Variants in XPNPEP1 observed in about 807,000 individuals in gnomAD.
XPNPEP1 encodes the protein X-prolyl aminopeptidase 1, also known as xaa-Pro aminopeptidase 1.
XPNPEP1 carries 39 observed loss-of-function variants against 92.4 expected under a neutral mutation model. The ratio of observed to expected loss-of-function variants is 0.42; its 90% CI spans 0.33 to 0.55. The LOEUF (loss-of-function observed/expected upper bound fraction) is 0.55. Ranked by LOEUF, XPNPEP1 falls within the 20% of genes least tolerant of loss-of-function variation. The pLI, the probability that XPNPEP1 is intolerant of heterozygous loss-of-function variation, is 0.08. For missense variants in XPNPEP1, 654 were observed against 856.1 expected (o/e 0.76, Z 2.95); for synonymous variants, 307 against 299.4 (o/e 1.03, Z -0.26).
intron 7 of XPNPEP1, among the ~76,000 whole-genome samples, chr10:109,886,875 G>A (rs1475912497): frequency 2.6e-5 from 4 of 152,144 alleles, no homozygotes; most frequent in African/African-American, 9.7e-5. Context: ...GCCTTTCAGT[G>A]CTAAGACCTA....
chr10:109,897,056 C>A (rs1271834138), intron 3 of XPNPEP1, among the ~76,000 whole-genome samples: 1 of 152,156 alleles, frequency 6.6e-6, no homozygotes, highest in Non-Finnish European at 1.5e-5. Context: ...AATTCAAATA[C>A]CTCAGGGTAC....
chr10:109,901,375 C>T (rs554037262), intron 3 of XPNPEP1, among the ~76,000 whole-genome samples: 47 of 152,144 alleles, frequency 3.1e-4, no homozygotes, highest in African/African-American at 1.0e-3. Flanking sequence ...CAAACCTGCA[C>T]GTTGTGCTCA....
chr10:109,919,694 G>A (rs1850421896), intron 1 of XPNPEP1, among the ~76,000 whole-genome samples: 1 of 152,196 alleles, frequency 6.6e-6, no homozygotes, highest in African/African-American at 2.4e-5. Flanking sequence ...CTGATAAATG[G>A]ATAAATAAAA....
rs1287188987 is a variant in XPNPEP1, at chr10:109,892,916, T to C, written c.310+96A>G. The C allele has an allele frequency of 5.4e-6, 7 of 1,288,794 alleles. No individual in the cohort carries two copies. The Admixed American group carries it at 1.0e-4, about 19-fold the overall frequency. The allele number at this position is 1,288,794 out of a possible 1,614,324, so 79.8% of individuals were successfully genotyped here. Reference sequence around the variant, plus strand: ...AATGTGGAGCATCTGGTTTGCATTTTCTTTTTGCTTCTATATCACAGGCTG... The same window carrying C: ...AATGTGGAGCATCTGGTTTGCATTTCCTTTTTGCTTCTATATCACAGGCTG... On this transcript the variant is annotated intron_variant, in intron 4 of 20. Coordinates refer to ENST00000502935, the MANE Select transcript of XPNPEP1 (RefSeq NM_020383.4).
At chr10:109,874,699 C>A (rs1847679972) in intron 15 of XPNPEP1, among the ~76,000 whole-genome samples, 1 of 152,214 alleles carries the variant, frequency 6.6e-6, no homozygotes, top group Admixed American at 6.5e-5. Context: ...CCTGTAATCC[C>A]AGCACTTTGG....
At chr10:109,885,991 T>A (rs574288342) in intron 8 of XPNPEP1, among the ~76,000 whole-genome samples, 1 of 152,328 alleles carries the variant, frequency 6.6e-6, no homozygotes, top group East Asian at 1.9e-4. Context: ...AGAGGTGCCA[T>A]GGTCCTGAGG....
intron 3 of XPNPEP1, among the ~76,000 whole-genome samples, chr10:109,904,283 T>C (rs1849439063): frequency 6.6e-6 from 1 of 150,396 alleles, no homozygotes; most frequent in South Asian, 2.1e-4. Flanking sequence ...ACCACCCCGA[T>C]TCCAGCTTGA....
chr10:109,874,201 G>T (rs1847646093), intron 15 of XPNPEP1, among the ~76,000 whole-genome samples: 1 of 152,136 alleles, frequency 6.6e-6, no homozygotes, highest in South Asian at 2.1e-4. Flanking sequence ...AAATAAACTG[G>T]GAGTGACGTC....
At chr10:109,919,468 A>G (rs1323925855) in intron 1 of XPNPEP1, among the ~76,000 whole-genome samples, 1 of 152,238 alleles carries the variant, frequency 6.6e-6, no homozygotes, top group Admixed American at 6.5e-5. Flanking sequence ...AATAAAAAAG[A>G]TTGACAGTAA....
At chr10:109,873,638 A>T (rs555847224) in intron 15 of XPNPEP1, 1 of 529,162 alleles carries the variant, frequency 1.9e-6, no homozygotes, top group South Asian at 2.9e-5. Flanking sequence ...TTATATATCC[A>T]AGAGAACTGA....
intron 12 of XPNPEP1, among the ~76,000 whole-genome samples, chr10:109,878,812 G>A (rs1408555998): frequency 6.6e-6 from 1 of 151,702 alleles, no homozygotes; most frequent in Admixed American, 6.6e-5. Context: ...GGGAGGCTGA[G>A]GCTGCAGTGA....
At chr10:109,899,259 GAGGTGAGGTCAC>G (rs1257820571) in intron 3 of XPNPEP1, among the ~76,000 whole-genome samples, 1 of 152,174 alleles carries the variant, frequency 6.6e-6, no homozygotes, top group African/African-American at 2.4e-5. Flanking sequence ...TCATTACATT[GAGGTGAGGTCAC>G]ATGACTTATT....
At chr10:109,876,635 G>A (rs1343086451) in intron 14 of XPNPEP1, 1 of 152,258 alleles carries the variant, frequency 6.6e-6, no homozygotes, top group African/African-American at 2.4e-5. Context: ...TCCCATCTGT[G>A]ACTGTCTCCC....
intron 12 of XPNPEP1, among the ~76,000 whole-genome samples, chr10:109,878,819 G>A (rs1377415232): frequency 1.3e-5 from 2 of 151,568 alleles, no homozygotes; most frequent in African/African-American, 4.9e-5. Flanking sequence ...TGAGGCTGCA[G>A]TGAGCTGTGA....
chr10:109,865,323 GAGA>G lies in XPNPEP1; in HGVS notation c.1873-14_1873-12del, dbSNP rs752290467. On this transcript the variant is annotated splice_polypyrimidine_tract_variant and intron_variant, in intron 20 of 20. Transcript: ENST00000502935. ...GTTGAGCCAGTCGCACTGCAGGGAA[GAGA>G]AGGACAGACACGGTATTCACCACTA... 25 of 1,614,092 alleles carry G rather than the reference GAGA, an allele frequency of 1.5e-5. No individual in the cohort carries two copies. The South Asian group carries it at 2.3e-4, about 15-fold the overall frequency.
chr10:109,902,952 C>T (rs973335274), intron 3 of XPNPEP1, among the ~76,000 whole-genome samples: 4 of 152,144 alleles, frequency 2.6e-5, no homozygotes, highest in Non-Finnish European at 4.4e-5. Context: ...GGAATTGCTT[C>T]GGGTGTAATA....
At chr10:109,906,152 T>C (rs1393679110) in intron 3 of XPNPEP1, among the ~76,000 whole-genome samples, 2 of 152,220 alleles carry the variant, frequency 1.3e-5, no homozygotes, top group Non-Finnish European at 2.9e-5. Flanking sequence ...GGTGGACTGG[T>C]GGACCCCCAT....
intron 2 of XPNPEP1, among the ~76,000 whole-genome samples, chr10:109,911,510 C>T (rs1387517704): frequency 6.6e-6 from 1 of 152,194 alleles, no homozygotes; most frequent in Non-Finnish European, 1.5e-5. Context: ...TCAACACCTC[C>T]ACTGGGGGTT....
chr10:109,888,874 G>A (rs1848551616), intron 5 of XPNPEP1, among the ~76,000 whole-genome samples: 1 of 152,144 alleles, frequency 6.6e-6, no homozygotes, highest in Non-Finnish European at 1.5e-5. Flanking sequence ...AAAATATCTT[G>A]GGGATCACTG....
Sources: allele counts gnomAD v4.1 joint callset (sites outside exome capture counted in the v4.1 genomes callset), GRCh38; gene constraint gnomAD v4.1.1; transcripts MANE v1.5; gene names NCBI Gene and HGNC (gene_info 2026-07-23, HGNC 2026-07-21).